The following NUP93 variants were observed in gnomAD, a reference collection of about 807,000 sequenced individuals.
The protein encoded by NUP93 is nucleoporin 93, also known as nuclear pore complex protein Nup93.
In NUP93, 55 loss-of-function variants were observed where a neutral mutation model predicts 107.8. That is an observed-to-expected ratio of 0.51 (90% confidence interval 0.41 to 0.64). NUP93 has a LOEUF of 0.64. Among genes scored for constraint, NUP93 ranks in the 30% least tolerant of loss-of-function variants. The pLI is 0.00. For missense variants in NUP93, 937 were observed against 1,044.7 expected (o/e 0.90, Z 1.42); for synonymous variants, 390 against 397.5 (o/e 0.98, Z 0.22).
chr16:56,758,101 G>A (rs565550146), intron 2 of NUP93, among the ~76,000 whole-genome samples: 2 of 151,900 alleles, frequency 1.3e-5, no homozygotes, highest in South Asian at 4.2e-4. Context: ...GGGAGCTTGT[G>A]CCACAGAACT....
intron 5 of NUP93, among the ~76,000 whole-genome samples, chr16:56,805,928 C>T (rs1016401496): frequency 3.0e-4 from 45 of 151,888 alleles, no homozygotes; most frequent in African/African-American, 9.4e-4. Context: ...CCTGTGATTT[C>T]ATCTGGGGCT....
rs1353121085 is a variant in NUP93, at chr16:56,832,270, G to A, written c.1252-25G>A. On this transcript the variant is annotated intron_variant, in intron 11 of 21. Transcript: ENST00000308159. The stretch of plus-strand genomic sequence containing the variant: ...GGCTCAGGGTGTCATTTGTACCAAT[G>A]CATGTGTTTCTCTTGGGGATTTAGT... The A allele has an allele frequency of 1.9e-6, 3 of 1,592,972 alleles. No individual in the cohort carries two copies. The South Asian group carries it at 3.3e-5, about 18-fold the overall frequency.
chr16:56,736,509 G>A (rs1961615547), intron 1 of NUP93, among the ~76,000 whole-genome samples: 1 of 152,190 alleles, frequency 6.6e-6, no homozygotes, highest in Non-Finnish European at 1.5e-5. Context: ...CATGTGTTTG[G>A]TTTCTGAGTC....
chr16:56,768,419 T>C (rs1404647859), intron 3 of NUP93, among the ~76,000 whole-genome samples: 13 of 151,788 alleles, frequency 8.6e-5, no homozygotes, highest in Admixed American at 8.5e-4. Context: ...CAAAATTAGC[T>C]GGGCGTGGTG....
At chr16:56,805,062 G>GT (rs1234148694) in intron 4 of NUP93, among the ~76,000 whole-genome samples, 3 of 151,928 alleles carry the variant, frequency 2.0e-5, no homozygotes, top group Admixed American at 6.6e-5. Context: ...TTGGAGTGCA[G>GT]TTTTTTTTGT....
intron 3 of NUP93, among the ~76,000 whole-genome samples, chr16:56,761,771 T>A (rs1962131339): frequency 6.6e-6 from 1 of 152,246 alleles, no homozygotes; most frequent in Non-Finnish European, 1.5e-5. Flanking sequence ...ATTGTCTTTT[T>A]CTATTTGGTA....
chr16:56,844,546 A>G lies in NUP93; in HGVS notation c.2397A>G (p.Ile799Met). The G allele has an allele frequency of 6.4e-7, 1 of 1,571,444 alleles. No individual in the cohort carries two copies. Among genetic ancestry groups the G allele is most frequent in the Non-Finnish European group, 8.6e-7 (1 of 1,159,380 alleles). ...CTCTGATTACCTTTGCTGGAATGAT[A>G]CCATACCGAACGTCTGGGGACACCA... The part of the protein sequence containing the change: ...ARTLITFAGM[I>M]PYRTSGDTNA... The change falls in exon 22 of 22, where the codon ATA becomes ATG. Residue 799 changes from isoleucine to methionine, a missense_variant. Coordinates refer to ENST00000308159, the MANE Select transcript of NUP93 (RefSeq NM_014669.5).
At chr16:56,804,624 G>T (rs797001394) in intron 4 of NUP93, among the ~76,000 whole-genome samples, 4 of 152,242 alleles carry the variant, frequency 2.6e-5, no homozygotes, top group African/African-American at 4.8e-5. Context: ...AATGGTTTAT[G>T]TGGGCTGGGC....
Position 56,850,196 on chromosome 16 carries a change from C to T in NUP93, c.*5587C>T, listed in dbSNP as rs1228006301. ...GTTGGTGGATGTGTTCTGCATGTTC[C>T]TTTCTGTACAGTAACTTCTGCATTT... On this transcript the variant is annotated 3_prime_UTR_variant, in exon 22 of 22. Coordinates refer to ENST00000308159, the MANE Select transcript of NUP93 (RefSeq NM_014669.5). 1 of 152,196 alleles carries T rather than the reference C, an allele frequency of 6.6e-6. No homozygotes were observed. The allele number at this position is 152,196 out of a possible 1,614,324, so 9.4% of individuals were successfully genotyped here.
chr16:56,818,601 T>A, intron 5 of NUP93, 63 bp from the exon 6 acceptor site: 1 of 1,283,224 alleles, frequency 7.8e-7, no homozygotes, highest in South Asian at 1.2e-5. Context: ...TATGATGTGA[T>A]TTGATTTCTT....
intron 9 of NUP93, among the ~76,000 whole-genome samples, chr16:56,829,571 G>A (rs1963737763): frequency 6.6e-6 from 1 of 152,228 alleles, no homozygotes; most frequent in Non-Finnish European, 1.5e-5. Flanking sequence ...AGGGTGGCAG[G>A]ATACAGAGGA....
chr16:56,801,017 T>C (rs543826346), intron 4 of NUP93, among the ~76,000 whole-genome samples: 18 of 152,364 alleles, frequency 1.2e-4, no homozygotes, highest in Middle Eastern at 3.4e-3. Context: ...TAATTTATAA[T>C]AATTTCTCCA....
chr16:56,816,701 T>C (rs1357596456), intron 5 of NUP93, among the ~76,000 whole-genome samples: 1 of 152,160 alleles, frequency 6.6e-6, no homozygotes, highest in African/African-American at 2.4e-5. Context: ...TTCCTTGATG[T>C]AGTAGAGTCT....
intron 16 of NUP93, among the ~76,000 whole-genome samples, chr16:56,835,394 C>G (rs1439085483): frequency 1.3e-5 from 2 of 152,182 alleles, no homozygotes; most frequent in African/African-American, 4.8e-5. Context: ...GTGATTTGGA[C>G]CCAGCAATCT....
chr16:56,746,997 ATTT>A (rs1261707762), intron 1 of NUP93, among the ~76,000 whole-genome samples: 1 of 143,600 alleles, frequency 7.0e-6, no homozygotes, highest in Non-Finnish European at 1.5e-5. Context: ...TAGCAATGTA[ATTT>A]TTTTTTTTTT....
intron 3 of NUP93, among the ~76,000 whole-genome samples, chr16:56,786,362 C>T (rs1207655869): frequency 2.0e-5 from 3 of 152,214 alleles, no homozygotes; most frequent in African/African-American, 7.2e-5. Flanking sequence ...GGAAAGCAGT[C>T]GATTTTGCCC....
rs567912939 is a variant in NUP93 at position 56,809,351 on chromosome 16, A to G, written c.489+3719A>G. ...GGTCTTTACTGATTGAAGTGAGATT[A>G]TTGGGGAAGATTAGTGATAATGTAA... On this transcript the variant is annotated intron_variant, in intron 5 of 21. Coordinates refer to ENST00000308159, the MANE Select transcript of NUP93 (RefSeq NM_014669.5). Among the ~76,000 whole-genome samples, 267 of 152,288 alleles carry G rather than the reference A, an allele frequency of 1.8e-3. 1 individual carries two copies. The highest frequency in any genetic ancestry group is 6.1e-3 in the African/African-American group (252 of 41,546).
intron 7 of NUP93, among the ~76,000 whole-genome samples, chr16:56,822,685 C>T (rs1197046801): frequency 1.3e-5 from 2 of 151,584 alleles, no homozygotes; most frequent in African/African-American, 2.4e-5. Flanking sequence ...CTCGGCCTCC[C>T]GAGTAGCTGG....
intron 1 of NUP93, among the ~76,000 whole-genome samples, chr16:56,735,425 A>C (rs1213933871): frequency 6.6e-6 from 1 of 152,230 alleles, no homozygotes; most frequent in Non-Finnish European, 1.5e-5. Flanking sequence ...GGACCAAGTA[A>C]ATCAAGTGAC....
Sources: allele counts gnomAD v4.1 joint callset (sites outside exome capture counted in the v4.1 genomes callset), GRCh38; gene constraint gnomAD v4.1.1; transcripts MANE v1.5; gene names NCBI Gene and HGNC (gene_info 2026-07-23, HGNC 2026-07-21).